The following CSMD2 variants were observed in gnomAD, a reference collection of about 807,000 sequenced individuals.
CSMD2 encodes CUB and Sushi multiple domains 2.
CSMD2 carries 130 observed loss-of-function variants against 398.5 expected under a neutral mutation model. The ratio of observed to expected loss-of-function variants is 0.33; its 90% CI spans 0.28 to 0.38. The LOEUF is 0.38. CSMD2 is among the 10% of genes least tolerant of loss of function. The pLI is 1.00. For missense variants in CSMD2, 3,829 were observed against 4,764.9 expected, an observed-to-expected ratio of 0.80 and a Z score of 5.78; for synonymous variants, 1,828 against 1,908.5, an observed-to-expected ratio of 0.96 and a Z score of 1.10.
At chr1:33,936,515 C>T (rs1021150130) in intron 3 of CSMD2, among the ~76,000 whole-genome samples, 2 of 152,168 alleles carry the variant, frequency 1.3e-5, no homozygotes, top group African/African-American at 2.4e-5. Context: ...AACAAGAACC[C>T]GGGTTCTCAT....
At chr1:33,977,956 T>C (rs1471347249) in intron 3 of CSMD2, among the ~76,000 whole-genome samples, 1 of 147,282 alleles carries the variant, frequency 6.8e-6, no homozygotes, top group Non-Finnish European at 1.5e-5. Context: ...ATTCACAATG[T>C]GGGAAGGGCA....
chr1:33,839,082 A>G (rs1444958319), intron 6 of CSMD2: 2 of 152,286 alleles, frequency 1.3e-5, no homozygotes, highest in African/African-American at 4.8e-5. Flanking sequence ...TGTAATCACA[A>G]ATGTTGGAAG....
chr1:34,070,598 A>G (rs1655626235), intron 2 of CSMD2, among the ~76,000 whole-genome samples: 1 of 152,236 alleles, frequency 6.6e-6, no homozygotes, highest in Non-Finnish European at 1.5e-5. Flanking sequence ...AACGGAATTG[A>G]GAGGAGTAAC....
Position 33,941,684 on chromosome 1 carries a change from C to T in CSMD2, c.518-5730G>A, listed in dbSNP as rs75062879. Among the ~76,000 whole-genome samples, 161 of 152,198 alleles carry T rather than the reference C, an allele frequency of 1.1e-3. 1 individual carries two copies. The East Asian group carries it at 0.022, about 20-fold the overall frequency. ...ATCTTTACGACTCCCTTATTTTTAG[C>T]GGTTTGGCCTTTTAAACATAATTCA... is the stretch of plus-strand genomic sequence containing the variant. On this transcript the variant is annotated intron_variant, in intron 3 of 70. Coordinates refer to ENST00000373381, the MANE Select transcript of CSMD2 (RefSeq NM_001281956.2).
At position 33,567,615 on chromosome 1, in the gene CSMD2, C is replaced by A; in HGVS notation, c.8358G>T (p.Ser2786=). 6.2e-7 allele frequency: 1 copy of A among 1,614,082 alleles called. No individual in the cohort carries two copies. Among genetic ancestry groups the A allele is most frequent in the South Asian group, 1.1e-5 (1 of 91,080 alleles). The change falls in exon 53 of 71, where the codon TCG becomes TCT. Residue 2786 remains serine, a synonymous_variant. Transcript: ENST00000373381. ...TACGCACACAGAAAGGGGTCTTGCC[C>A]GACCAGTGATGATCCTGCTGGCAGA... ...VRICQQDHHW[S]GKTPFCVPIT... is the part of the protein sequence containing the mutation.
chr1:33,739,505 G>A (rs1646989879), intron 14 of CSMD2, among the ~76,000 whole-genome samples, 171 bp from the exon 15 acceptor site: 2 of 152,238 alleles, frequency 1.3e-5, no homozygotes, highest in Non-Finnish European at 2.9e-5. Context: ...TTAAGCAGGT[G>A]CTCATTAAAC....
intron 25 of CSMD2, among the ~76,000 whole-genome samples, chr1:33,690,689 A>G (rs1645205986): frequency 6.6e-6 from 1 of 152,216 alleles, no homozygotes; most frequent in Non-Finnish European, 1.5e-5. Flanking sequence ...TTCAACCACT[A>G]GTCACCGAGG....
intron 3 of CSMD2, among the ~76,000 whole-genome samples, chr1:33,952,980 G>A (rs2125374251): frequency 6.6e-6 from 1 of 152,328 alleles, no homozygotes; most frequent in East Asian, 1.9e-4. Flanking sequence ...TTGGGCACCA[G>A]CAAATGTTTG....
intron 44 of CSMD2, chr1:33,600,080 A>T (rs1342937929): frequency 1.5e-6 from 1 of 679,158 alleles, no homozygotes; most frequent in Non-Finnish European, 2.7e-6. Context: ...ACCTCACAGA[A>T]TTCTTACAGG....
chr1:33,586,812 C>G (rs1173975706), intron 45 of CSMD2, among the ~76,000 whole-genome samples, 195 bp from the exon 46 acceptor site: 1 of 152,226 alleles, frequency 6.6e-6, no homozygotes, highest in South Asian at 2.1e-4. Flanking sequence ...CAGAATGTTT[C>G]ATATTCCAGG....
intron 1 of CSMD2, among the ~76,000 whole-genome samples, chr1:34,144,777 G>A (rs1178604476): frequency 6.6e-6 from 1 of 152,220 alleles, no homozygotes. Flanking sequence ...GACAAGAACG[G>A]CATTCCCTGC....
chr1:33,663,174 G>A (rs1442661803), intron 25 of CSMD2, 82 bp from the exon 26 acceptor site: 3 of 1,191,418 alleles, frequency 2.5e-6, no homozygotes, highest in African/African-American at 1.5e-5. Flanking sequence ...CTAAACCTAC[G>A]AAGACTGGCC....
intron 1 of CSMD2, among the ~76,000 whole-genome samples, chr1:34,119,148 G>A (rs1311483758): frequency 6.6e-6 from 1 of 152,138 alleles, no homozygotes. Context: ...TTTGACAAGG[G>A]TGTCAAACCT....
At chr1:34,146,725 A>G (rs1639796093) in intron 1 of CSMD2, among the ~76,000 whole-genome samples, 1 of 152,190 alleles carries the variant, frequency 6.6e-6, no homozygotes, top group African/African-American at 2.4e-5. Flanking sequence ...TGGCTTAGGA[A>G]GATGCATGAC....
chr1:33,862,343 CTGTGTGTGTG>C (rs10610868), intron 5 of CSMD2: 3,442 of 114,076 alleles, frequency 0.03, 140 homozygotes, highest in African/African-American at 0.091. Flanking sequence ...ATAAGCTACT[CTGTGTGTGTG>C]TGTGTGTGTG....
rs1570776061 is a variant in CSMD2 at position 33,572,517 on chromosome 1, G to A, written c.7751C>T (p.Pro2584Leu). 1 of 1,607,566 alleles carries A rather than the reference G, an allele frequency of 6.2e-7. No individual in the cohort carries two copies. Among genetic ancestry groups the A allele is most frequent in the East Asian group, 2.2e-5 (1 of 44,734 alleles). Reference protein sequence around the residue: ...TGLWSNRNVPPQCVPVTCPDV... With the variant: ...TGLWSNRNVPLQCVPVTCPDV... ...GCCCGAGGACTCACGGACACACTGT[G>A]GTGGGACATTGCGGTTGCTCCATAG... The change falls in exon 50 of 71, where the codon CCA becomes CTA. Residue 2584 changes from proline (P) to leucine (L), a missense_variant. This residue lies in a region of CSMD2 where 723 missense variants were observed against 758.6 expected (regional missense o/e 0.95). Coordinates refer to ENST00000373381, the MANE Select transcript of CSMD2 (RefSeq NM_001281956.2).
chr1:34,148,584 A>G (rs920277895), intron 1 of CSMD2, among the ~76,000 whole-genome samples: 1 of 101,992 alleles, frequency 9.8e-6, no homozygotes, highest in Non-Finnish European at 2.3e-5. Flanking sequence ...AGTGAACAAA[A>G]GGGCCAAACC....
intron 64 of CSMD2, 68 bp from the exon 65 acceptor site, chr1:33,527,326 G>A: frequency 7.5e-7 from 1 of 1,337,356 alleles, no homozygotes; most frequent in Non-Finnish European, 1.1e-6. Flanking sequence ...GAAAAATAAT[G>A]ACCACCTGTC....
chr1:34,028,098 C>T lies in CSMD2; in HGVS notation c.517+4496G>A, dbSNP rs191156473. ...CTTTGGGAGGTCGAGGCAGGCAGATCGCTCCAGCTCTGGAATTCGAGACCA... is the reference window on the plus strand; with the variant it reads ...CTTTGGGAGGTCGAGGCAGGCAGATTGCTCCAGCTCTGGAATTCGAGACCA... On this transcript the variant is annotated intron_variant, in intron 3 of 70. Transcript: ENST00000373381. Among the ~76,000 whole-genome samples the T allele has an allele frequency of 1.9e-3, 296 of 152,224 alleles. 3 individuals are homozygous for T. Among genetic ancestry groups the T allele is most frequent in the African/African-American group, 6.7e-3 (278 of 41,550 alleles).
Sources: allele counts gnomAD v4.1 joint callset (sites outside exome capture counted in the v4.1 genomes callset), GRCh38; gene constraint gnomAD v4.1.1; regional missense constraint gnomAD v4.1.1; transcripts MANE v1.5; gene names NCBI Gene and HGNC (gene_info 2026-07-23, HGNC 2026-07-21).